PRKD1: variants seen among roughly 807,000 people sequenced by gnomAD.
The protein encoded by PRKD1 is protein kinase D1.
Under a neutral mutation model 95.9 loss-of-function variants are expected in PRKD1, and 63 were observed. The observed-to-expected ratio is 0.66, with a 90% CI of 0.54 to 0.81. PRKD1 has a LOEUF of 0.81. Among genes scored for constraint, PRKD1 ranks in the 30% least tolerant of loss-of-function variants. The pLI is 0.00. For missense variants in PRKD1, 1,048 were observed against 1,165.3 expected, an observed-to-expected ratio of 0.90 and a Z score of 1.47; for synonymous variants, 425 against 423.1, an observed-to-expected ratio of 1.00 and a Z score of -0.05.
At chr14:29,710,580 G>A (rs1330063380) in intron 2 of PRKD1, among the ~76,000 whole-genome samples, 1 of 152,070 alleles carries the variant, frequency 6.6e-6, no homozygotes, top group Non-Finnish European at 1.5e-5. Context: ...ACCCCCAACA[G>A]AGCAGAGGAG....
chr14:29,831,614 A>G (rs1354195852), intron 1 of PRKD1, among the ~76,000 whole-genome samples: 1 of 152,006 alleles, frequency 6.6e-6, no homozygotes, highest in African/African-American at 2.4e-5. Flanking sequence ...GATTACAGGC[A>G]TGTGCCACCA....
Position 29,666,093 on chromosome 14 carries a change from T to C in PRKD1, c.519A>G (p.Gln173=), listed in dbSNP as rs1468235096. 5 of 1,592,068 alleles carry C rather than the reference T, an allele frequency of 3.1e-6. No individual in the cohort carries two copies. Among genetic ancestry groups the C allele is most frequent in the Non-Finnish European group, 2.6e-6 (3 of 1,165,246 alleles). ...ATAACTTACCTTCACATTTAAGACC[T>C]TGACGTACCAGCCCCCACAGCATTT... ...CGEMLWGLVR[Q]GLKCEGCGLN... The change falls in exon 3 of 18, where the codon CAA becomes CAG. Residue 173 remains glutamine, a synonymous_variant. Coordinates refer to ENST00000331968, the MANE Select transcript of PRKD1 (RefSeq NM_002742.3).
At chr14:29,650,682 T>C (rs2181178) in intron 4 of PRKD1, among the ~76,000 whole-genome samples, 5 of 152,180 alleles carry the variant, frequency 3.3e-5, no homozygotes, top group Non-Finnish European at 5.9e-5. Context: ...CAGGAACTAC[T>C]TGATGCAGGA....
At chr14:29,717,067 T>G (rs1885646607) in intron 2 of PRKD1, among the ~76,000 whole-genome samples, 1 of 152,162 alleles carries the variant, frequency 6.6e-6, no homozygotes, top group Non-Finnish European at 1.5e-5. Context: ...CTAATAAAAT[T>G]CAATTCCTAT....
chr14:29,613,016 T>A (rs570747470), intron 13 of PRKD1, among the ~76,000 whole-genome samples: 1 of 151,960 alleles, frequency 6.6e-6, no homozygotes, highest in African/African-American at 2.4e-5. Context: ...GAGAATGGCG[T>A]GAACTCGGGA....
chr14:29,634,457 T>A lies in PRKD1; in HGVS notation c.1275A>T (p.Lys425Asn). 3.7e-6 allele frequency: 6 copies of A among 1,614,128 alleles called. No individual in the cohort carries two copies. The highest frequency in any genetic ancestry group is 5.1e-6 in the Non-Finnish European group (6 of 1,179,978). ...TGGTGTAGTGGACCATCCATCCTTC[T>A]TTCATGACTGTGCTGCTTTTCCTCT... ...HTKRKSSTVM[K>N]EGWMVHYTSK... The change falls in exon 8 of 18, where the codon AAA becomes AAT. Residue 425 changes from lysine (K) to asparagine (N), a missense_variant. Physicochemically the swap from Lys to Asn is moderately conservative, Grantham distance 94. Coordinates refer to ENST00000331968, the MANE Select transcript of PRKD1 (RefSeq NM_002742.3).
intron 1 of PRKD1, among the ~76,000 whole-genome samples, chr14:29,759,601 T>C (rs1043587991): frequency 2.6e-5 from 4 of 152,212 alleles, no homozygotes; most frequent in African/African-American, 9.6e-5. Context: ...TTAGTGATTC[T>C]TGGATTAAGT....
At chr14:29,922,863 C>T (rs1448836418) in intron 1 of PRKD1, among the ~76,000 whole-genome samples, 2 of 151,940 alleles carry the variant, frequency 1.3e-5, no homozygotes, top group African/African-American at 4.8e-5. Context: ...GTAGTCTGGG[C>T]CTTATCTCAA....
At chr14:29,637,042 GAA>G (rs1880432168) in intron 6 of PRKD1, among the ~76,000 whole-genome samples, 1 of 152,130 alleles carries the variant, frequency 6.6e-6, no homozygotes, top group African/African-American at 2.4e-5. Context: ...CTGAAAACAT[GAA>G]AAGTCATGAA....
chr14:29,695,234 CA>C (rs34575259), intron 2 of PRKD1, among the ~76,000 whole-genome samples: 47,287 of 95,062 alleles, frequency 0.5, 8,176 homozygotes, highest in African/African-American at 0.58. Flanking sequence ...AACTCCATCT[CA>C]AAAAAAAAAA....
chr14:29,726,535 T>C (rs529404430), intron 1 of PRKD1, among the ~76,000 whole-genome samples: 12 of 152,298 alleles, frequency 7.9e-5, no homozygotes, highest in East Asian at 1.9e-4. Context: ...CTGACACTTA[T>C]GTCAATACAG....
chr14:29,747,748 AT>A (rs543098133), intron 1 of PRKD1, among the ~76,000 whole-genome samples: 225 of 152,166 alleles, frequency 1.5e-3, no homozygotes, highest in African/African-American at 4.8e-3. Flanking sequence ...TTATTAATTA[AT>A]ATATTTATTT....
chr14:29,832,212 C>T (rs1287028621), intron 1 of PRKD1, among the ~76,000 whole-genome samples: 1 of 152,172 alleles, frequency 6.6e-6, no homozygotes, highest in African/African-American at 2.4e-5. Flanking sequence ...CCCACCACCA[C>T]CACCAAAACT....
chr14:29,595,059 A>C (rs1266082400), intron 16 of PRKD1, among the ~76,000 whole-genome samples: 1 of 152,108 alleles, frequency 6.6e-6, no homozygotes, highest in Non-Finnish European at 1.5e-5. Flanking sequence ...CTCAAAGGCA[A>C]GAGTGAGCCA....
chr14:29,683,998 T>G (rs1883697303), intron 2 of PRKD1, among the ~76,000 whole-genome samples: 1 of 152,180 alleles, frequency 6.6e-6, no homozygotes, highest in African/African-American at 2.4e-5. Context: ...AACAAACCCC[T>G]TATGCCCAAA....
chr14:29,762,328 T>C (rs764714564), intron 1 of PRKD1, among the ~76,000 whole-genome samples: 1 of 152,174 alleles, frequency 6.6e-6, no homozygotes, highest in South Asian at 2.1e-4. Context: ...TCCACTCCCT[T>C]TGTCTTCATA....
intron 1 of PRKD1, among the ~76,000 whole-genome samples, chr14:29,726,952 T>A (rs1338483233): frequency 6.6e-6 from 1 of 152,216 alleles, no homozygotes; most frequent in Non-Finnish European, 1.5e-5. Context: ...TTTCTAGTTC[T>A]AGATCCCTGA....
chr14:29,826,859 A>ATATG (rs1555348624), intron 1 of PRKD1, among the ~76,000 whole-genome samples: 3 of 99,416 alleles, frequency 3.0e-5, no homozygotes, highest in East Asian at 2.9e-4. Context: ...ATATATATAT[A>ATATG]TATATATATA....
intron 1 of PRKD1, among the ~76,000 whole-genome samples, chr14:29,897,136 G>A (rs1487275359): frequency 6.6e-6 from 1 of 151,674 alleles, no homozygotes; most frequent in Admixed American, 6.6e-5. Flanking sequence ...CATTTTATAA[G>A]TCTATTTTAT....
Sources: allele counts gnomAD v4.1 joint callset (sites outside exome capture counted in the v4.1 genomes callset), GRCh38; gene constraint gnomAD v4.1.1; transcripts MANE v1.5; gene names NCBI Gene and HGNC (gene_info 2026-07-23, HGNC 2026-07-21).